IGSF11: variants seen among roughly 807,000 people sequenced by gnomAD.
The protein encoded by IGSF11 is CXADR like 1.
IGSF11 carries 22 observed loss-of-function variants against 41.0 expected under a neutral mutation model. That is an observed-to-expected ratio of 0.54 (90% CI 0.38 to 0.77). The LOEUF (loss-of-function observed/expected upper bound fraction) is 0.77, where lower values mean the gene tolerates loss of function less well. Among genes scored for constraint, IGSF11 ranks in the 30% least tolerant of loss-of-function variants. The pLI is 0.00. For missense variants in IGSF11, 444 were observed against 530.8 expected (o/e 0.84, Z 1.61); for synonymous variants, 219 against 201.3 (o/e 1.09, Z -0.74).
intron 1 of IGSF11, among the ~76,000 whole-genome samples, chr3:119,052,334 T>C (rs1941658216): frequency 6.6e-6 from 1 of 151,304 alleles, no homozygotes; most frequent in African/African-American, 2.4e-5. Flanking sequence ...ACAAAAATTA[T>C]CCAGGTGTGG....
At chr3:119,121,728 A>T (rs2107530245) in intron 1 of IGSF11, among the ~76,000 whole-genome samples, 1 of 152,354 alleles carries the variant, frequency 6.6e-6, no homozygotes. Context: ...CTCCGAGTAG[A>T]ATAAACTCAG....
intron 1 of IGSF11, among the ~76,000 whole-genome samples, chr3:119,069,986 T>A (rs1290210258): frequency 6.6e-6 from 1 of 152,226 alleles, no homozygotes; most frequent in East Asian, 1.9e-4. Context: ...GAGCCCCTAC[T>A]AGGTGCTAGG....
At chr3:119,020,718 G>C (rs1939203620) in intron 1 of IGSF11, among the ~76,000 whole-genome samples, 2 of 152,104 alleles carry the variant, frequency 1.3e-5, no homozygotes. Flanking sequence ...TCACTGGCTG[G>C]GATAAATACC....
intron 1 of IGSF11, among the ~76,000 whole-genome samples, chr3:119,096,920 C>A (rs1447098028): frequency 6.6e-6 from 1 of 152,132 alleles, no homozygotes; most frequent in Admixed American, 6.6e-5. Flanking sequence ...TAGAAGTTCC[C>A]ATGTTTGTAA....
chr3:119,094,630 G>C (rs1268387814), intron 1 of IGSF11, among the ~76,000 whole-genome samples: 1 of 151,508 alleles, frequency 6.6e-6, no homozygotes, highest in Non-Finnish European at 1.5e-5. Flanking sequence ...CACCAAAGTA[G>C]GGTAGGTGAA....
intron 1 of IGSF11, among the ~76,000 whole-genome samples, chr3:119,083,893 C>T (rs935124491): frequency 2.0e-5 from 3 of 151,810 alleles, no homozygotes; most frequent in Non-Finnish European, 4.4e-5. Flanking sequence ...TGTAAATAGC[C>T]TCAGACAGGC....
intron 1 of IGSF11, among the ~76,000 whole-genome samples, chr3:119,041,533 C>A (rs144976554): frequency 1.3e-5 from 2 of 151,840 alleles, no homozygotes; most frequent in Non-Finnish European, 2.9e-5. Flanking sequence ...TGCTGTGAGC[C>A]GAGATCATGC....
chr3:119,102,717 C>A (rs1021904400), intron 1 of IGSF11, among the ~76,000 whole-genome samples: 3 of 152,018 alleles, frequency 2.0e-5, no homozygotes, highest in African/African-American at 7.2e-5. Context: ...TTTGTGGATT[C>A]TGTTTCATTT....
intron 1 of IGSF11, among the ~76,000 whole-genome samples, chr3:119,057,643 A>T (rs1433953476): frequency 6.6e-6 from 1 of 152,224 alleles, no homozygotes; most frequent in Non-Finnish European, 1.5e-5. Flanking sequence ...ATGTGGAACC[A>T]AAAAAGAACC....
intron 1 of IGSF11, among the ~76,000 whole-genome samples, chr3:119,134,986 T>C (rs1440514815): frequency 1.3e-5 from 2 of 152,210 alleles, no homozygotes; most frequent in African/African-American, 4.8e-5. Context: ...TTAAAAGTGG[T>C]GCTGGGAAAA....
chr3:118,974,819 C>T (rs539638985), intron 1 of IGSF11, among the ~76,000 whole-genome samples: 1 of 151,930 alleles, frequency 6.6e-6, no homozygotes, highest in East Asian at 1.9e-4. Flanking sequence ...TTCTTTATCA[C>T]TATTACTTTC....
At chr3:118,918,869 C>A (rs62275719) in intron 4 of IGSF11, among the ~76,000 whole-genome samples, 7,044 of 67,112 alleles carry the variant, frequency 0.1, no homozygotes, top group South Asian at 0.16. Context: ...TACTACAAGG[C>A]TACAGTAACC....
intron 1 of IGSF11, among the ~76,000 whole-genome samples, chr3:119,018,203 T>C (rs945633786): frequency 2.6e-5 from 4 of 152,300 alleles, no homozygotes; most frequent in African/African-American, 9.6e-5. Flanking sequence ...AAATAAGGCA[T>C]CAGCAAGGCA....
chr3:119,097,430 G>A (rs910866663), intron 1 of IGSF11, among the ~76,000 whole-genome samples: 1 of 147,050 alleles, frequency 6.8e-6, no homozygotes, highest in African/African-American at 2.7e-5. Flanking sequence ...TTTCCTCTGG[G>A]GAGCAAACTG....
At chr3:119,127,106 C>A (rs1019111981) in intron 1 of IGSF11, among the ~76,000 whole-genome samples, 6 of 151,878 alleles carry the variant, frequency 4.0e-5, no homozygotes, top group Admixed American at 6.6e-5. Context: ...ATGTTCTAAC[C>A]CAATGCAAAG....
chr3:119,046,485 G>C (rs1045441339), intron 1 of IGSF11, among the ~76,000 whole-genome samples: 1 of 152,004 alleles, frequency 6.6e-6, no homozygotes, highest in African/African-American at 2.4e-5. Flanking sequence ...CAAGAAATAT[G>C]GGACTATGTG....
chr3:118,950,660 T>C (rs894452284), intron 1 of IGSF11, among the ~76,000 whole-genome samples: 1 of 151,948 alleles, frequency 6.6e-6, no homozygotes, highest in Non-Finnish European at 1.5e-5. Context: ...ATTATAATAA[T>C]GTATAAATGA....
At chr3:119,118,319 A>C (rs2107527399) in intron 1 of IGSF11, among the ~76,000 whole-genome samples, 1 of 152,260 alleles carries the variant, frequency 6.6e-6, no homozygotes, top group Non-Finnish European at 1.5e-5. Context: ...AGATTCCCAA[A>C]CCCCAATTCT....
chr3:118,922,644 T>C (rs1941922069), intron 4 of IGSF11, among the ~76,000 whole-genome samples: 1 of 152,112 alleles, frequency 6.6e-6, no homozygotes, highest in Non-Finnish European at 1.5e-5. Context: ...TCAACTATTT[T>C]AGACTCCTCA....
Sources: gnomAD v4.1 joint callset for allele counts (sites outside exome capture counted in the v4.1 genomes callset) on GRCh38, gnomAD v4.1.1 for gene constraint, MANE v1.5 for transcripts, NCBI Gene and HGNC (gene_info 2026-07-23, HGNC 2026-07-21) for gene names.